The following SLC38A9 variants were observed in gnomAD, a reference collection of about 807,000 sequenced individuals.
SLC38A9 encodes solute carrier family 38 member 9.
A neutral mutation model predicts 62.3 loss-of-function variants in SLC38A9; 48 were observed. That is an observed-to-expected ratio of 0.77 (90% confidence interval 0.61 to 0.98). SLC38A9 has a LOEUF of 0.98. Among genes scored for constraint, SLC38A9 ranks in the 50% least tolerant of loss-of-function variants. The pLI, the probability that SLC38A9 is intolerant of heterozygous loss-of-function variation, is 0.00. For missense variants in SLC38A9, 541 were observed against 679.8 expected (o/e 0.80, Z 2.27); for synonymous variants, 204 against 227.7 (o/e 0.90, Z 0.94).
intron 2 of SLC38A9, among the ~76,000 whole-genome samples, chr5:55,705,978 G>C (rs1484461555): frequency 6.6e-6 from 1 of 152,150 alleles, no homozygotes; most frequent in Non-Finnish European, 1.5e-5. Context: ...AAAGTGCTGG[G>C]ATTACAGGCA....
intron 2 of SLC38A9, among the ~76,000 whole-genome samples, chr5:55,709,146 A>G (rs2150743557): frequency 6.6e-6 from 1 of 152,318 alleles, no homozygotes. Flanking sequence ...TTCCAACCTG[A>G]TCAATAAATG....
intron 11 of SLC38A9, 32 bp downstream of exon 11, chr5:55,649,175 A>T: frequency 8.1e-7 from 1 of 1,233,570 alleles, no homozygotes; most frequent in Non-Finnish European, 1.1e-6. Context: ...AGATCACATT[A>T]TTATAATTTA....
At chr5:55,656,410 G>A (rs899560379) in intron 9 of SLC38A9, among the ~76,000 whole-genome samples, 16 of 150,882 alleles carry the variant, frequency 1.1e-4, no homozygotes, top group Admixed American at 1.1e-3. Context: ...TAGTGATATA[G>A]ATTCTTGAAA....
chr5:55,661,741 TAA>T (rs1749618487), intron 8 of SLC38A9, among the ~76,000 whole-genome samples: 1 of 151,312 alleles, frequency 6.6e-6, no homozygotes, highest in Non-Finnish European at 1.5e-5. Flanking sequence ...AGCTACCATA[TAA>T]AAAGAGAAGA....
At position 55,701,812 on chromosome 5, in the gene SLC38A9, A is replaced by G. The variant is rs541982254; in HGVS notation, c.-34-3820T>C. On this transcript the variant is annotated intron_variant, in intron 2 of 15. Coordinates refer to ENST00000396865, the MANE Select transcript of SLC38A9 (RefSeq NM_173514.4). ...TTATCCTCATTTTATAGATAAGTATACACAGCAGAGAAGTAACTGATCACA... is the reference window on the plus strand; with the variant it reads ...TTATCCTCATTTTATAGATAAGTATGCACAGCAGAGAAGTAACTGATCACA... Among the ~76,000 whole-genome samples the G allele has an allele frequency of 1.6e-4, 24 of 152,368 alleles. 1 individual carries two copies. Among genetic ancestry groups the G allele is most frequent in the African/African-American group, 5.5e-4 (23 of 41,592 alleles).
intron 11 of SLC38A9, among the ~76,000 whole-genome samples, chr5:55,648,498 T>C (rs1012929214): frequency 1.3e-5 from 2 of 152,210 alleles, no homozygotes; most frequent in Non-Finnish European, 2.9e-5. Flanking sequence ...GCTTACTTTA[T>C]TCCTTTGAAA....
At chr5:55,693,917 T>C (rs1236628665) in intron 3 of SLC38A9, among the ~76,000 whole-genome samples, 1 of 151,654 alleles carries the variant, frequency 6.6e-6, no homozygotes, top group East Asian at 1.9e-4. Context: ...ATTTGAAAAA[T>C]TAGCCAGGTG....
chr5:55,704,027 G>GCATGGTGGTGCT (rs1756987994), intron 2 of SLC38A9: 1 of 152,110 alleles, frequency 6.6e-6, no homozygotes, highest in African/African-American at 2.4e-5. Context: ...TGCATGCCAG[G>GCATGGTGGTGCT]CATGGTGGTG....
chr5:55,630,607 C>A (rs958801145), intron 14 of SLC38A9, among the ~76,000 whole-genome samples: 1 of 152,038 alleles, frequency 6.6e-6, no homozygotes, highest in Non-Finnish European at 1.5e-5. Flanking sequence ...TGAGCCACCA[C>A]GAACGGCTAA....
At chr5:55,641,808 A>T (rs1745485354) in intron 12 of SLC38A9, among the ~76,000 whole-genome samples, 2 of 152,230 alleles carry the variant, frequency 1.3e-5, no homozygotes, top group African/African-American at 4.8e-5. Context: ...TTGGTTACTA[A>T]TTATCACGTG....
chr5:55,652,558 G>A lies in SLC38A9; in HGVS notation c.923C>T (p.Pro308Leu), dbSNP rs768059830. The part of the protein sequence containing the change: ...LLLPLLNFKS[P>L]SFFSKFNILG... Reference sequence around the variant, plus strand: ...GATATTAAATTTTGAAAAAAATGAAGGAGACTTGAAATTGAGCAGTGGGAG... The same window carrying A: ...GATATTAAATTTTGAAAAAAATGAAAGAGACTTGAAATTGAGCAGTGGGAG... The change falls in exon 10 of 16, where the codon CCT becomes CTT. Residue 308 changes from proline (P) to leucine (L), a missense_variant. Coordinates refer to ENST00000396865, the MANE Select transcript of SLC38A9 (RefSeq NM_173514.4). 1 of 1,603,220 alleles carries A rather than the reference G, an allele frequency of 6.2e-7. No individual in the cohort carries two copies. The highest frequency in any genetic ancestry group is 8.5e-7 in the Non-Finnish European group (1 of 1,175,232).
At chr5:55,701,771 C>G (rs570093509) in intron 2 of SLC38A9, among the ~76,000 whole-genome samples, 6 of 152,182 alleles carry the variant, frequency 3.9e-5, no homozygotes, top group Non-Finnish European at 8.8e-5. Context: ...ATTACTTACC[C>G]TGTAAATTAC....
Position 55,672,442 on chromosome 5 carries a change from A to T in SLC38A9, c.246+121T>A. On this transcript the variant is annotated intron_variant, in intron 4 of 15. Transcript: ENST00000396865. ...TGTTAATTACTATCTTTGACTTTGC[A>T]TGATGCTGTCCTTGAAATACAGTCA... The T allele has an allele frequency of 3.6e-6, 4 of 1,109,264 alleles. No homozygotes were observed. The South Asian group carries it at 6.2e-5, about 17-fold the overall frequency. The allele number at this position is 1,109,264 out of a possible 1,614,324, so 68.7% of individuals were successfully genotyped here.
intron 2 of SLC38A9, among the ~76,000 whole-genome samples, chr5:55,701,839 A>C (rs1227704407): frequency 6.6e-6 from 1 of 152,194 alleles, no homozygotes; most frequent in African/African-American, 2.4e-5. Context: ...CTGATCACAA[A>C]GTTAGTAAGT....
intron 6 of SLC38A9, 69 bp from the exon 7 acceptor site, chr5:55,669,390 TA>T: frequency 7.1e-7 from 1 of 1,403,136 alleles, no homozygotes. Context: ...GCAATTATTT[TA>T]CCCTAAACAA....
chr5:55,649,501 C>CA (rs5867995), intron 10 of SLC38A9, among the ~76,000 whole-genome samples, 187 bp from the exon 11 acceptor site: 90,327 of 151,792 alleles, frequency 0.6, 27,552 homozygotes, highest in South Asian at 0.7. Context: ...AGAAAAAAAA[C>CA]AAAACACTCT....
intron 3 of SLC38A9, among the ~76,000 whole-genome samples, chr5:55,690,504 A>G (rs1366623280): frequency 6.6e-6 from 1 of 152,240 alleles, no homozygotes; most frequent in East Asian, 1.9e-4. Flanking sequence ...CGCACTAGCC[A>G]CTGATTAATG....
chr5:55,627,701 C>A (rs1254289170), intron 15 of SLC38A9, among the ~76,000 whole-genome samples, 190 bp downstream of exon 15: 1 of 151,972 alleles, frequency 6.6e-6, no homozygotes, highest in Non-Finnish European at 1.5e-5. Context: ...AGTGAGTTCT[C>A]CACCAGAACA....
At position 55,669,795 on chromosome 5, in the gene SLC38A9, T is replaced by C. The variant is rs765689347; in HGVS notation, c.331A>G (p.Thr111Ala). Reference sequence around the variant, plus strand: ...CTGGTGTTTTTACCGTATCCTTCAGTGTAACTTTGAAGTTTATAAGCAGAG... The same window carrying C: ...CTGGTGTTTTTACCGTATCCTTCAGCGTAACTTTGAAGTTTATAAGCAGAG... ...LGSAYKLQSYTEGYGKNTSLV... is the reference protein window; with the variant it reads ...LGSAYKLQSYAEGYGKNTSLV... Residue 111 changes from threonine (T) to alanine (A), a missense_variant, in exon 5 of 16, where the codon ACT becomes GCT. Transcript: ENST00000396865. 5.6e-6 allele frequency: 9 copies of C among 1,613,818 alleles called. No individual in the cohort carries two copies. Among genetic ancestry groups the C allele is most frequent in the Non-Finnish European group, 6.8e-6 (8 of 1,179,956 alleles).
Sources: allele counts gnomAD v4.1 joint callset (sites outside exome capture counted in the v4.1 genomes callset), GRCh38; gene constraint gnomAD v4.1.1; transcripts MANE v1.5; gene names NCBI Gene and HGNC (gene_info 2026-07-23, HGNC 2026-07-21).